The following STXBP5L variants were observed in gnomAD, a reference collection of about 807,000 sequenced individuals.
The protein encoded by STXBP5L is syntaxin binding protein 5L.
STXBP5L carries 65 observed loss-of-function variants against 144.5 expected under a neutral mutation model. The ratio of observed to expected loss-of-function variants is 0.45; its 90% CI spans 0.37 to 0.55. STXBP5L has a LOEUF of 0.55. Ranked by LOEUF, STXBP5L falls within the 20% of genes least tolerant of loss-of-function variation. The pLI is 0.00. For synonymous variants in STXBP5L, 505 were observed against 469.6 expected, an observed-to-expected ratio of 1.08 and a Z score of -0.97; for missense variants, 1,298 against 1,405.5, an observed-to-expected ratio of 0.92 and a Z score of 1.22.
intron 3 of STXBP5L, among the ~76,000 whole-genome samples, chr3:121,007,277 T>G (rs918536358): frequency 6.6e-6 from 1 of 152,068 alleles, no homozygotes; most frequent in African/African-American, 2.4e-5. Flanking sequence ...ATATTGTTCT[T>G]TTTGATCACT....
chr3:121,154,561 T>C (rs2046048410), intron 8 of STXBP5L, among the ~76,000 whole-genome samples: 1 of 151,832 alleles, frequency 6.6e-6, no homozygotes, highest in Non-Finnish European at 1.5e-5. Flanking sequence ...CTTTACGTTA[T>C]TGATATTCTT....
At chr3:121,385,415 A>T (rs6793029) in intron 22 of STXBP5L, among the ~76,000 whole-genome samples, 1 of 152,028 alleles carries the variant, frequency 6.6e-6, no homozygotes, top group South Asian at 2.1e-4. Context: ...CTCACTAATC[A>T]CCAAGGAGAT....
chr3:121,332,703 A>G lies in STXBP5L; in HGVS notation c.2176+14163A>G, dbSNP rs985673879. 3.9e-4 allele frequency among the ~76,000 whole-genome samples: 59 copies of G among 152,282 alleles called. 1 individual carries two copies. Among genetic ancestry groups the G allele is most frequent in the Admixed American group, 9.8e-4 (15 of 15,290 alleles). The stretch of plus-strand genomic sequence containing the variant: ...AAAGTCTAGAAAACCTATCTAAGGG[A>G]ATAATTAAGGAAAACTTCACTGGCC... On this transcript the variant is annotated intron_variant, in intron 20 of 26. Transcript: ENST00000471454.
chr3:121,086,686 A>C (rs1393691581), intron 5 of STXBP5L, among the ~76,000 whole-genome samples: 1 of 152,084 alleles, frequency 6.6e-6, no homozygotes, highest in African/African-American at 2.4e-5. Context: ...CAAACCTGAA[A>C]ATTCAAAATC....
intron 5 of STXBP5L, among the ~76,000 whole-genome samples, chr3:121,053,213 G>A (rs923107407): frequency 2.2e-4 from 34 of 152,054 alleles, no homozygotes; most frequent in Non-Finnish European, 1.5e-5. Context: ...AACTACCAAT[G>A]GCTTTCTTCA....
chr3:121,245,459 A>T (rs2049818695), intron 14 of STXBP5L, among the ~76,000 whole-genome samples: 1 of 151,998 alleles, frequency 6.6e-6, no homozygotes, highest in South Asian at 2.1e-4. Flanking sequence ...ATTCTGTACC[A>T]ATAATTATGT....
chr3:120,998,909 G>A (rs1467779949), intron 3 of STXBP5L, among the ~76,000 whole-genome samples: 1 of 152,156 alleles, frequency 6.6e-6, no homozygotes, highest in Non-Finnish European at 1.5e-5. Context: ...TCATGGATAG[G>A]AAGAATCAAT....
intron 3 of STXBP5L, among the ~76,000 whole-genome samples, chr3:120,963,893 G>C (rs77547172): frequency 6.6e-6 from 1 of 151,966 alleles, no homozygotes; most frequent in Admixed American, 6.6e-5. Context: ...CTTTGAATCC[G>C]TCTGGTCCTG....
chr3:120,983,229 G>T (rs1277505735), intron 3 of STXBP5L, among the ~76,000 whole-genome samples: 1 of 151,934 alleles, frequency 6.6e-6, no homozygotes, highest in Non-Finnish European at 1.5e-5. Context: ...GCCTCTCAGA[G>T]TGGTGCTGGC....
Position 121,418,969 on chromosome 3 carries a change from T to G in STXBP5L, c.3448-87T>G, listed in dbSNP as rs1428782909. 8.0e-6 allele frequency: 11 copies of G among 1,368,684 alleles called. No homozygotes were observed. In the African/African-American group the frequency reaches 1.2e-4, roughly 15 times the overall value. 84.8% of individuals were successfully genotyped at this position (1,368,684 alleles called of 1,614,324 possible). A position where few individuals can be genotyped will look rare whatever the true frequency, so the allele number is the denominator to read the frequency against. On this transcript the variant is annotated intron_variant, in intron 26 of 26. Coordinates refer to ENST00000471454, the MANE Select transcript of STXBP5L (RefSeq NM_001308330.2). ...GTTTGATTATAAGTTTTGAGATAGA[T>G]TTGCATGATTAGCTCAAAATGGCCT...
intron 3 of STXBP5L, among the ~76,000 whole-genome samples, chr3:120,990,817 AC>A (rs1942776074): frequency 6.6e-6 from 1 of 152,224 alleles, no homozygotes; most frequent in Non-Finnish European, 1.5e-5. Flanking sequence ...TACACGTTAT[AC>A]AAAAATTAAT....
chr3:121,185,315 G>A (rs1027452217), intron 9 of STXBP5L, among the ~76,000 whole-genome samples: 2 of 152,128 alleles, frequency 1.3e-5, no homozygotes, highest in Non-Finnish European at 2.9e-5. Context: ...GATCCCATTT[G>A]TCAATTTTGG....
At chr3:121,169,367 A>G (rs2108052159) in intron 9 of STXBP5L, among the ~76,000 whole-genome samples, 1 of 152,332 alleles carries the variant, frequency 6.6e-6, no homozygotes, top group East Asian at 1.9e-4. Flanking sequence ...AACGGGCTAA[A>G]TGCCCCAATT....
chr3:121,077,499 C>T (rs1180185128), intron 5 of STXBP5L, among the ~76,000 whole-genome samples: 1 of 152,084 alleles, frequency 6.6e-6, no homozygotes, highest in East Asian at 1.9e-4. Flanking sequence ...CTCATAAAGG[C>T]AGTGTGGACC....
chr3:120,980,046 G>T (rs1019332466), intron 3 of STXBP5L, among the ~76,000 whole-genome samples: 2 of 152,014 alleles, frequency 1.3e-5, no homozygotes, highest in African/African-American at 4.8e-5. Context: ...GTTTCTGTTG[G>T]TGTTGATTTC....
chr3:121,068,485 C>T (rs967774172), intron 5 of STXBP5L, among the ~76,000 whole-genome samples: 16 of 151,714 alleles, frequency 1.1e-4, no homozygotes, highest in Admixed American at 3.9e-4. Context: ...TATTTTTTCA[C>T]GCTTTTTGAG....
At chr3:121,183,329 A>G (rs1223193197) in intron 9 of STXBP5L, among the ~76,000 whole-genome samples, 1 of 152,230 alleles carries the variant, frequency 6.6e-6, no homozygotes, top group African/African-American at 2.4e-5. Flanking sequence ...AAGGCATCCA[A>G]ATTGGAAAAG....
chr3:121,313,205 C>A (rs1472165193), intron 19 of STXBP5L, among the ~76,000 whole-genome samples: 2 of 134,708 alleles, frequency 1.5e-5, no homozygotes, highest in Non-Finnish European at 3.1e-5. Flanking sequence ...GGCGGCCGGC[C>A]GGAAGGGGGG....
chr3:121,058,016 G>T (rs1948579867), intron 5 of STXBP5L, among the ~76,000 whole-genome samples: 1 of 152,152 alleles, frequency 6.6e-6, no homozygotes, highest in Non-Finnish European at 1.5e-5. Context: ...TGGGATACAT[G>T]TGCAGAAAGT....
Sources: allele counts gnomAD v4.1 joint callset (sites outside exome capture counted in the v4.1 genomes callset), GRCh38; gene constraint gnomAD v4.1.1; transcripts MANE v1.5; gene names NCBI Gene and HGNC (gene_info 2026-07-23, HGNC 2026-07-21).